IGFL2: variants seen among roughly 807,000 people sequenced by gnomAD.
IGFL2 encodes the protein IGF like family member 2, also known as insulin growth factor-like family member 2.
A neutral mutation model predicts 13.9 loss-of-function variants in IGFL2; 7 were observed. That is an observed-to-expected ratio of 0.51 (90% CI 0.29 to 0.95). IGFL2 has a LOEUF of 0.95. Among genes scored for constraint, IGFL2 ranks in the 40% least tolerant of loss-of-function variants. IGFL2 has a pLI of 0.08. For missense variants in IGFL2, 138 were observed against 147.8 expected (o/e 0.93, Z 0.34); for synonymous variants, 55 against 55.8 (o/e 0.99, Z 0.07).
upstream of IGFL2, among the ~76,000 whole-genome samples, chr19:46,139,955 C>CAT (rs368791741): frequency 6.6e-6 from 1 of 151,204 alleles, no homozygotes; most frequent in Non-Finnish European, 1.5e-5. Context: ...CACACACACA[C>CAT]ATATATATTT....
chr19:46,099,823 T>G, the IGFL2 span, among the ~76,000 whole-genome samples: 30,166 of 151,850 alleles, frequency 0.2, 4,492 homozygotes, highest in African/African-American at 0.42. Context: ...ACCGAGCCTG[T>G]GCTTGTTCAT....
At chr19:46,168,030 AG>A in the IGFL2 span, among the ~76,000 whole-genome samples, 1 of 152,238 alleles carries the variant, frequency 6.6e-6, no homozygotes, top group South Asian at 2.1e-4. Context: ...ATTATCTAGA[AG>A]GAGGAAAGGC....
At chr19:46,177,259 G>A in the IGFL2 span, among the ~76,000 whole-genome samples, 1 of 152,116 alleles carries the variant, frequency 6.6e-6, no homozygotes. Flanking sequence ...GCGGTGTGGT[G>A]GTGGGCACCT....
the IGFL2 span, among the ~76,000 whole-genome samples, chr19:46,131,855 C>T: frequency 6.6e-6 from 1 of 152,104 alleles, no homozygotes; most frequent in Admixed American, 6.5e-5. Context: ...GGGAGAGTCG[C>T]TTGAACCCAG....
At chr19:46,182,365 TAAAAAAAAA>T in the IGFL2 span, among the ~76,000 whole-genome samples, 1 of 78,692 alleles carries the variant, frequency 1.3e-5, no homozygotes, top group African/African-American at 4.6e-5. Flanking sequence ...AGACTTTGCC[TAAAAAAAAA>T]AAAAAAAAAA....
chr19:46,101,182 G>A, the IGFL2 span: 1 of 152,356 alleles, frequency 6.6e-6, no homozygotes, highest in Admixed American at 6.5e-5. Flanking sequence ...CCTGGTTGGT[G>A]GGGGTCTCAC....
chr19:46,147,027 C>A (rs570108892), upstream of IGFL2, among the ~76,000 whole-genome samples: 1 of 152,128 alleles, frequency 6.6e-6, no homozygotes, highest in African/African-American at 2.4e-5. Flanking sequence ...ACAGAAGGAG[C>A]GTTTCCTTGG....
chr19:46,112,865 A>C, the IGFL2 span: 3 of 152,208 alleles, frequency 2.0e-5, no homozygotes, highest in Non-Finnish European at 4.4e-5. Flanking sequence ...GTGTCAAGGA[A>C]ATACAGTACA....
upstream of IGFL2, among the ~76,000 whole-genome samples, chr19:46,141,699 G>T (rs909415800): frequency 6.6e-6 from 1 of 152,030 alleles, no homozygotes; most frequent in East Asian, 1.9e-4. Context: ...TCCCTTCAGG[G>T]TTTCTCCTTC....
At chr19:46,081,968 A>G in the IGFL2 span, among the ~76,000 whole-genome samples, 1 of 152,254 alleles carries the variant, frequency 6.6e-6, no homozygotes, top group African/African-American at 2.4e-5. Flanking sequence ...CAAGAGAGCT[A>G]GTCTAGTTTC....
upstream of IGFL2, chr19:46,143,008 T>A (rs1972926686): frequency 6.6e-6 from 1 of 152,254 alleles, no homozygotes; most frequent in Non-Finnish European, 1.5e-5. Context: ...GGTTGCTGGG[T>A]GGAAATGCAG....
At chr19:46,146,214 T>C (rs986487146), upstream of IGFL2, among the ~76,000 whole-genome samples, 3 of 152,196 alleles carry the variant, frequency 2.0e-5, no homozygotes, top group Non-Finnish European at 4.4e-5. Flanking sequence ...GACTATCTTT[T>C]CCCCCATTGA....
At chr19:46,101,001 G>C in the IGFL2 span, 1 of 152,318 alleles carries the variant, frequency 6.6e-6, no homozygotes, top group African/African-American at 2.4e-5. Flanking sequence ...GTTTGCTGAG[G>C]GTTCACTTCA....
downstream of IGFL2, among the ~76,000 whole-genome samples, chr19:46,165,615 T>C (rs921977268): frequency 6.6e-6 from 1 of 152,204 alleles, no homozygotes; most frequent in African/African-American, 2.4e-5. Flanking sequence ...ACACAGACAC[T>C]GAGCCTCCGC....
the IGFL2 span, among the ~76,000 whole-genome samples, chr19:46,131,416 C>T: frequency 1.3e-5 from 2 of 152,204 alleles, no homozygotes; most frequent in Non-Finnish European, 2.9e-5. Flanking sequence ...ATTTTCTAAA[C>T]CCTCCTCCTA....
At chr19:46,101,201 G>A in the IGFL2 span, 5,262 of 152,476 alleles carry the variant, frequency 0.035, 144 homozygotes, top group Non-Finnish European at 0.053. Context: ...ACCCAGTCGC[G>A]GGGCACAGGA....
the IGFL2 span, among the ~76,000 whole-genome samples, chr19:46,088,387 A>G: frequency 4.5e-4 from 69 of 152,188 alleles, 1 homozygote; most frequent in Non-Finnish European, 1.5e-4. Context: ...ATGAACCCAT[A>G]TGTTTAATTG....
chr19:46,152,714 T>C (rs1973572211), intron 1 of IGFL2, among the ~76,000 whole-genome samples: 1 of 152,246 alleles, frequency 6.6e-6, no homozygotes, highest in Non-Finnish European at 1.5e-5. Flanking sequence ...CTATCTTGAA[T>C]AGAGTGGTAA....
At chr19:46,142,661 T>C (rs1972910541), upstream of IGFL2, among the ~76,000 whole-genome samples, 1 of 152,204 alleles carries the variant, frequency 6.6e-6, no homozygotes. Flanking sequence ...CTGACAGATA[T>C]TATTACTGGG....
Sources: allele counts gnomAD v4.1 joint callset (sites outside exome capture counted in the v4.1 genomes callset), GRCh38; gene constraint gnomAD v4.1.1; transcripts MANE v1.5; gene names NCBI Gene and HGNC (gene_info 2026-07-23, HGNC 2026-07-21).